The following ST7 variants were observed in gnomAD, a reference collection of about 807,000 sequenced individuals.
The protein encoded by ST7 is suppression of tumorigenicity 7, also known as suppressor of tumorigenicity 7 protein.
A neutral mutation model predicts 78.7 loss-of-function variants in ST7; 28 were observed. That is an observed-to-expected ratio of 0.36 (90% CI 0.26 to 0.49). The LOEUF (loss-of-function observed/expected upper bound fraction) is 0.49. ST7 is among the 20% of genes least tolerant of loss of function. The pLI, the probability that ST7 is intolerant of heterozygous loss-of-function variation, is 0.99. For missense variants in ST7, 418 were observed against 696.0 expected (o/e 0.60, Z 4.49); for synonymous variants, 247 against 249.6 (o/e 0.99, Z 0.10).
intron 13 of ST7, among the ~76,000 whole-genome samples, chr7:117,218,250 ACAG>A (rs1419280225): frequency 6.6e-6 from 1 of 152,202 alleles, no homozygotes; most frequent in African/African-American, 2.4e-5. Context: ...TTTTATATCT[ACAG>A]CAGGCTGTAG....
At chr7:117,142,873 G>A (rs1379488960) in intron 9 of ST7, among the ~76,000 whole-genome samples, 2 of 152,154 alleles carry the variant, frequency 1.3e-5, no homozygotes, top group Non-Finnish European at 2.9e-5. Context: ...GCCTCCCAAA[G>A]TGCTGGGATT....
At chr7:117,017,331 A>C (rs1795662823) in intron 1 of ST7, among the ~76,000 whole-genome samples, 1 of 152,284 alleles carries the variant, frequency 6.6e-6, no homozygotes, top group African/African-American at 2.4e-5. Context: ...TAGAACAGTA[A>C]GCTCCCAGAA....
At chr7:117,120,017 C>T (rs1400582014) in intron 3 of ST7, among the ~76,000 whole-genome samples, 1 of 151,892 alleles carries the variant, frequency 6.6e-6, no homozygotes, top group Non-Finnish European at 1.5e-5. Flanking sequence ...CAGTCTTCAC[C>T]TCTTATGCTC....
chr7:117,220,494 A>G (rs1417635672), intron 14 of ST7, among the ~76,000 whole-genome samples: 3 of 152,244 alleles, frequency 2.0e-5, no homozygotes, highest in African/African-American at 4.8e-5. Context: ...TGAAAAGTAC[A>G]GTATTTTTAA....
intron 1 of ST7, among the ~76,000 whole-genome samples, chr7:116,982,881 G>A (rs1008208015): frequency 3.9e-5 from 6 of 152,058 alleles, no homozygotes; most frequent in Non-Finnish European, 7.4e-5. Context: ...ATAGATCTAT[G>A]CACTTTTACA....
intron 12 of ST7, among the ~76,000 whole-genome samples, chr7:117,193,331 C>T (rs951258395): frequency 6.6e-6 from 1 of 152,168 alleles, no homozygotes; most frequent in Non-Finnish European, 1.5e-5. Flanking sequence ...TATAATGATA[C>T]TGTGATAACC....
intron 1 of ST7, among the ~76,000 whole-genome samples, chr7:117,084,339 T>G (rs1799986916): frequency 1.3e-5 from 2 of 152,002 alleles, no homozygotes; most frequent in Admixed American, 1.3e-4. Flanking sequence ...ATCATCCAGG[T>G]AAGAAAAAGG....
At chr7:117,076,391 T>C (rs1288514349) in intron 1 of ST7, 1 of 152,252 alleles carries the variant, frequency 6.6e-6, no homozygotes, top group Non-Finnish European at 1.5e-5. Context: ...TATATGTGTA[T>C]GTATACACAT....
At chr7:117,107,603 CTTTTTTTTTTTTT>C (rs71528121) in intron 2 of ST7, among the ~76,000 whole-genome samples, 45 of 73,582 alleles carry the variant, frequency 6.1e-4, no homozygotes, top group African/African-American at 2.8e-3. Flanking sequence ...TAGCCCACTT[CTTTTTTTTTTTTT>C]TTTTTTTTTT....
In ST7 at chr7:117,222,862, T is replaced by C. The variant is rs147139329; in HGVS notation, c.1638+800T>C. 1.1e-4 allele frequency: 177 copies of C among 1,613,422 alleles called. 1 individual carries two copies. In the African/African-American group the frequency reaches 2.0e-3, roughly 18 times the overall value. On this transcript the variant is annotated intron_variant, in intron 15 of 15. Coordinates refer to ENST00000323984, the MANE Select transcript of ST7 (RefSeq NM_001369598.1). ...TGGGTTGATTTAATCCCTTTCCAGA[T>C]GATTGACATTTTCTGCTCGGCAGAG... is the stretch of plus-strand genomic sequence containing the variant.
chr7:117,184,943 C>A (rs112212145), intron 10 of ST7, among the ~76,000 whole-genome samples: 1 of 152,018 alleles, frequency 6.6e-6, no homozygotes, highest in Admixed American at 6.6e-5. Context: ...CTAATTATGT[C>A]GAAATATTAA....
chr7:117,172,887 A>C (rs1808102363), intron 10 of ST7, among the ~76,000 whole-genome samples: 1 of 152,230 alleles, frequency 6.6e-6, no homozygotes, highest in Non-Finnish European at 1.5e-5. Context: ...CCTTTCATGA[A>C]GATCTCCATT....
chr7:117,020,309 C>A (rs1483698366), intron 1 of ST7: 16 of 436,642 alleles, frequency 3.7e-5, no homozygotes, highest in African/African-American at 3.0e-4. Flanking sequence ...CCAGCCTCAC[C>A]GCATCCCAGA....
At chr7:117,047,097 G>A (rs570158976) in intron 1 of ST7, among the ~76,000 whole-genome samples, 1 of 152,238 alleles carries the variant, frequency 6.6e-6, no homozygotes, top group African/African-American at 2.4e-5. Context: ...GATCTAAATT[G>A]CATTGGATAC....
intron 1 of ST7, among the ~76,000 whole-genome samples, chr7:117,027,193 C>T (rs1437048351): frequency 6.6e-6 from 1 of 152,202 alleles, no homozygotes; most frequent in Non-Finnish European, 1.5e-5. Flanking sequence ...CCTGTAATCC[C>T]AGCACTTTGG....
chr7:117,000,534 C>A (rs1794890098), intron 1 of ST7, among the ~76,000 whole-genome samples: 1 of 152,214 alleles, frequency 6.6e-6, no homozygotes, highest in African/African-American at 2.4e-5. Flanking sequence ...GACTTTGAAG[C>A]AGCTTGTTCG....
chr7:117,101,416 C>T (rs1168880460), intron 2 of ST7, among the ~76,000 whole-genome samples: 1 of 152,028 alleles, frequency 6.6e-6, no homozygotes, highest in Non-Finnish European at 1.5e-5. Flanking sequence ...AGATGAGACT[C>T]TCACTAAGGG....
intron 1 of ST7, among the ~76,000 whole-genome samples, chr7:116,973,236 T>G (rs1470594443): frequency 6.6e-6 from 1 of 152,046 alleles, no homozygotes; most frequent in African/African-American, 2.4e-5. Context: ...TGTGTATTTC[T>G]TGTCCTCTGT....
At chr7:117,034,628 T>C (rs948103450) in intron 1 of ST7, among the ~76,000 whole-genome samples, 1 of 152,250 alleles carries the variant, frequency 6.6e-6, no homozygotes, top group Non-Finnish European at 1.5e-5. Flanking sequence ...CTCTAAATAC[T>C]AATAATCACT....
Sources: gnomAD v4.1 joint callset for allele counts (sites outside exome capture counted in the v4.1 genomes callset) on GRCh38, gnomAD v4.1.1 for gene constraint, MANE v1.5 for transcripts, NCBI Gene and HGNC (gene_info 2026-07-23, HGNC 2026-07-21) for gene names.